The following SGCD variants were observed in gnomAD, a reference collection of about 807,000 sequenced individuals.
The protein encoded by SGCD is delta-sarcoglycan.
A neutral mutation model predicts 36.6 loss-of-function variants in SGCD; 18 were observed. The ratio of observed to expected loss-of-function variants is 0.49; its 90% CI spans 0.34 to 0.73. The LOEUF is 0.73. Ranked by LOEUF, SGCD falls within the 30% of genes least tolerant of loss-of-function variation. The pLI is 0.01. For missense variants in SGCD, 387 were observed against 346.7 expected (o/e 1.12, Z -0.92); for synonymous variants, 133 against 130.6 (o/e 1.02, Z -0.12).
chr5:156,688,502 A>AT (rs761357559), intron 7 of SGCD, among the ~76,000 whole-genome samples: 2 of 152,124 alleles, frequency 1.3e-5, no homozygotes, highest in Non-Finnish European at 2.9e-5. Flanking sequence ...CTAAAAGGGG[A>AT]TTTTTTTAAA....
At chr5:155,902,248 C>T (rs1448488918) in intron 1 of SGCD, among the ~76,000 whole-genome samples, 2 of 151,812 alleles carry the variant, frequency 1.3e-5, no homozygotes, top group Non-Finnish European at 2.9e-5. Context: ...TGTGAAGATT[C>T]GGGAAATAAG....
In SGCD at chr5:156,606,667, T is replaced by A. The variant is rs1448730486; in HGVS notation, c.502+11616T>A. On this transcript the variant is annotated intron_variant, in intron 6 of 8. Transcript: ENST00000337851. ...TGGCCATTTCCATGATACTGATTCT[T>A]CCTACCCATGAACATGAAATGTTCT... is the stretch of plus-strand genomic sequence containing the variant. Among the ~76,000 whole-genome samples the A allele has an allele frequency of 3.9e-5, 6 of 152,236 alleles. No homozygotes were observed. In the South Asian group the frequency reaches 8.3e-4, roughly 21 times the overall value.
At chr5:155,993,446 G>A (rs1049466464) in intron 1 of SGCD, among the ~76,000 whole-genome samples, 2 of 148,988 alleles carry the variant, frequency 1.3e-5, no homozygotes, top group African/African-American at 2.5e-5. Flanking sequence ...CTGGGCTCAA[G>A]CATTTCTTGT....
At chr5:156,423,429 A>AATATAATATATTATATTTTAATAT (rs1561686129) in intron 3 of SGCD, among the ~76,000 whole-genome samples, 1 of 92,348 alleles carries the variant, frequency 1.1e-5, no homozygotes, top group Non-Finnish European at 2.1e-5. Context: ...TATTTTAATA[A>AATATAATATATTATATTTTAATAT]AATATAATAT....
chr5:155,849,241 C>T, the SGCD span, among the ~76,000 whole-genome samples: 2,850 of 152,190 alleles, frequency 0.019, 64 homozygotes, highest in East Asian at 0.13. Context: ...CGCTAATGTT[C>T]GTTCTCTCTC....
chr5:155,822,691 C>T, the SGCD span, among the ~76,000 whole-genome samples: 8 of 152,286 alleles, frequency 5.3e-5, no homozygotes, highest in Admixed American at 3.9e-4. Context: ...AAGTTGAATA[C>T]ACATTGATAG....
chr5:155,891,093 A>G (rs1187561076), intron 1 of SGCD, among the ~76,000 whole-genome samples: 4 of 152,220 alleles, frequency 2.6e-5, no homozygotes, highest in Non-Finnish European at 4.4e-5. Context: ...GAAGAGAAAG[A>G]GAAAGGACAG....
Position 156,290,021 on chromosome 5 carries a change from G to C in SGCD, c.-43-39513G>C, listed in dbSNP as rs112861843. Among the ~76,000 whole-genome samples, 259 of 152,270 alleles carry C rather than the reference G, an allele frequency of 1.7e-3. 1 individual carries two copies. Among genetic ancestry groups the C allele is most frequent in the Admixed American group, 3.7e-3 (56 of 15,270 alleles). On this transcript the variant is annotated intron_variant, in intron 3 of 9. Coordinates refer to the SGCD transcript ENST00000517913. The stretch of plus-strand genomic sequence containing the variant: ...TATAGGCAGGGGCAATTAGAGAATG[G>C]TTGAATACTGGAAAGATTTTTAAAC...
chr5:156,552,691 A>T (rs1337639976), intron 4 of SGCD, among the ~76,000 whole-genome samples: 4 of 152,120 alleles, frequency 2.6e-5, no homozygotes, highest in South Asian at 4.1e-4. Flanking sequence ...CACATCTGTT[A>T]TTTCTCCCTG....
intron 1 of SGCD, among the ~76,000 whole-genome samples, chr5:156,012,519 A>G (rs1270138415): frequency 1.3e-5 from 2 of 152,186 alleles, no homozygotes; most frequent in East Asian, 3.8e-4. Context: ...TTATCCTTAT[A>G]TATCCTTCAG....
intron 4 of SGCD, among the ~76,000 whole-genome samples, chr5:156,571,032 C>T (rs1759697520): frequency 6.6e-6 from 1 of 151,820 alleles, no homozygotes; most frequent in African/African-American, 2.4e-5. Context: ...TTCTTTTCAT[C>T]TTTTTTGTTT....
chr5:156,229,277 C>CACATAT (rs1554085595), intron 3 of SGCD, among the ~76,000 whole-genome samples: 12 of 56,498 alleles, frequency 2.1e-4, no homozygotes, highest in Non-Finnish European at 2.6e-4. Context: ...TATATACATA[C>CACATAT]ATATATATAT....
intron 1 of SGCD, among the ~76,000 whole-genome samples, chr5:155,986,638 G>A (rs934799375): frequency 1.3e-5 from 2 of 152,126 alleles, no homozygotes; most frequent in African/African-American, 4.8e-5. Flanking sequence ...CATGTGTAGA[G>A]ACACTGAGGA....
intron 1 of SGCD, among the ~76,000 whole-genome samples, chr5:155,962,884 C>G (rs1197970818): frequency 6.6e-6 from 1 of 152,144 alleles, no homozygotes; most frequent in Non-Finnish European, 1.5e-5. Context: ...AAGTAGTCGC[C>G]TTAGCAATCT....
intron 3 of SGCD, among the ~76,000 whole-genome samples, chr5:156,245,146 G>A (rs1485172963): frequency 3.9e-5 from 6 of 152,114 alleles, no homozygotes; most frequent in Admixed American, 3.9e-4. Context: ...CAGAAAAAAG[G>A]ACACCCTTTC....
chr5:156,190,752 G>A (rs992411750), intron 3 of SGCD, among the ~76,000 whole-genome samples: 5 of 151,996 alleles, frequency 3.3e-5, no homozygotes, highest in African/African-American at 1.2e-4. Flanking sequence ...GGAAAAAGGT[G>A]GTAGTTTCCA....
At chr5:155,855,648 C>T in the SGCD span, among the ~76,000 whole-genome samples, 4 of 152,120 alleles carry the variant, frequency 2.6e-5, no homozygotes, top group Non-Finnish European at 4.4e-5. Context: ...ACCAACAGTT[C>T]ACATATTTTC....
At chr5:156,670,210 A>G (rs1422262858) in intron 7 of SGCD, among the ~76,000 whole-genome samples, 2 of 152,250 alleles carry the variant, frequency 1.3e-5, no homozygotes, top group Non-Finnish European at 2.9e-5. Context: ...GCTTTTATCC[A>G]TGTGGTCAGG....
chr5:155,882,652 T>A (rs1474299305), intron 1 of SGCD, among the ~76,000 whole-genome samples: 1 of 151,676 alleles, frequency 6.6e-6, no homozygotes, highest in African/African-American at 2.4e-5. Context: ...TTTCAAAGGA[T>A]TTTTTTTTCT....
Sources: allele counts gnomAD v4.1 joint callset (sites outside exome capture counted in the v4.1 genomes callset), GRCh38; gene constraint gnomAD v4.1.1; transcripts MANE v1.5; gene names NCBI Gene and HGNC (gene_info 2026-07-23, HGNC 2026-07-21).